SPAG16: variants seen among roughly 807,000 people sequenced by gnomAD.
SPAG16 encodes sperm-associated antigen 16 protein.
In SPAG16, 86 loss-of-function variants were observed where a neutral mutation model predicts 80.4. That is an observed-to-expected ratio of 1.07 (90% CI 0.90 to 1.28). SPAG16 has a LOEUF of 1.28. Among genes scored for constraint, SPAG16 ranks in the 50% most tolerant of loss-of-function variants. The pLI is 0.00. For synonymous variants in SPAG16, 294 were observed against 265.9 expected (o/e 1.11, Z -1.03); for missense variants, 870 against 765.3 (o/e 1.14, Z -1.61).
chr2:213,609,700 T>G (rs2061380975), intron 10 of SPAG16, among the ~76,000 whole-genome samples: 2 of 152,314 alleles, frequency 1.3e-5, no homozygotes, highest in African/African-American at 4.8e-5. Context: ...CACTCCAAAC[T>G]GCCACTTTAT....
chr2:213,954,006 A>G, intron 12 of SPAG16, among the ~76,000 whole-genome samples: 1 of 152,066 alleles, frequency 6.6e-6, no homozygotes. Context: ...ATACCACAAA[A>G]TTTACTCATT....
intron 12 of SPAG16, among the ~76,000 whole-genome samples, chr2:213,934,790 T>G (rs530711004): frequency 1.5e-4 from 23 of 152,338 alleles, no homozygotes; most frequent in African/African-American, 5.3e-4. Context: ...ACCACAATAA[T>G]CTTAGAAGCC....
chr2:214,006,278 C>T, intron 12 of SPAG16, among the ~76,000 whole-genome samples: 1 of 152,014 alleles, frequency 6.6e-6, no homozygotes, highest in Non-Finnish European at 1.5e-5. Context: ...ACAAACATAT[C>T]AAAGGAAATA....
intron 10 of SPAG16, among the ~76,000 whole-genome samples, chr2:213,776,332 G>A (rs1243971643): frequency 2.0e-5 from 3 of 152,152 alleles, no homozygotes; most frequent in African/African-American, 4.8e-5. Flanking sequence ...TTGACAATTG[G>A]GAGAGGGCTA....
chr2:214,211,098 C>T lies in SPAG16; in HGVS notation c.1720+61832C>T, dbSNP rs192825001. ...TTGTTTTATTTTTTACTCTTGAGCACGTAACATTTTCCCCACAGTTACAAT... is the reference window on the plus strand; with the variant it reads ...TTGTTTTATTTTTTACTCTTGAGCATGTAACATTTTCCCCACAGTTACAAT... On this transcript the variant is annotated intron_variant, in intron 15 of 15. Coordinates refer to ENST00000331683, the MANE Select transcript of SPAG16 (RefSeq NM_024532.5). Among the ~76,000 whole-genome samples the T allele has an allele frequency of 2.3e-4, 35 of 151,898 alleles. No homozygotes were observed. The East Asian group carries it at 2.5e-3, about 11-fold the overall frequency.
chr2:214,179,317 AGCATAC>A (rs2057234934), intron 15 of SPAG16, among the ~76,000 whole-genome samples: 1 of 151,224 alleles, frequency 6.6e-6, no homozygotes, highest in Non-Finnish European at 1.5e-5. Flanking sequence ...TAATATTGTA[AGCATAC>A]GAAATGGGCA....
chr2:213,290,976 G>A (rs889957471), intron 1 of SPAG16, among the ~76,000 whole-genome samples: 3 of 152,188 alleles, frequency 2.0e-5, no homozygotes, highest in Admixed American at 6.5e-5. Flanking sequence ...ACCCAAGAAT[G>A]TCATTTCTCT....
chr2:213,556,775 C>T (rs1436328980), intron 10 of SPAG16, among the ~76,000 whole-genome samples: 2 of 152,112 alleles, frequency 1.3e-5, no homozygotes, highest in South Asian at 2.1e-4. Context: ...CCATTCCATC[C>T]AACAGCAGAA....
intron 11 of SPAG16, among the ~76,000 whole-genome samples, chr2:213,928,100 C>A (rs1448214361): frequency 6.6e-6 from 1 of 152,048 alleles, no homozygotes; most frequent in Non-Finnish European, 1.5e-5. Context: ...CTTCTCTTTT[C>A]TCTTTTTGAG....
intron 10 of SPAG16, among the ~76,000 whole-genome samples, chr2:213,699,197 C>T (rs2065293542): frequency 6.6e-6 from 1 of 152,068 alleles, no homozygotes; most frequent in South Asian, 2.1e-4. Context: ...ATTTTTCCCC[C>T]ATTTTCCCCA....
chr2:213,410,942 C>T (rs2068933558), intron 9 of SPAG16, among the ~76,000 whole-genome samples: 1 of 152,220 alleles, frequency 6.6e-6, no homozygotes. Context: ...CGTCTCCCAA[C>T]AGTAAGTTAA....
At chr2:213,696,424 G>A (rs1333291213) in intron 10 of SPAG16, among the ~76,000 whole-genome samples, 1 of 152,102 alleles carries the variant, frequency 6.6e-6, no homozygotes, top group Non-Finnish European at 1.5e-5. Flanking sequence ...GTAAAGCCAT[G>A]GGACTAAGTG....
At position 213,567,165 on chromosome 2, in the gene SPAG16, CTTTTTTTTTTT is replaced by C. The variant is rs531916197; in HGVS notation, c.1070+77085_1070+77095del. Among the ~76,000 whole-genome samples the C allele has an allele frequency of 3.2e-5, 3 of 94,914 alleles. No individual in the cohort carries two copies. In the South Asian group the frequency reaches 1.1e-3, roughly 33 times the overall value. 62.3% of individuals were successfully genotyped at this position (94,914 alleles called of 152,430 possible). ...TGCTCATTTCTAATCAACACAGATT[CTTTTTTTTTTT>C]TTTTTTTTTGACTTATCCCTGAAAT... On this transcript the variant is annotated intron_variant, in intron 10 of 15. Coordinates refer to ENST00000331683, the MANE Select transcript of SPAG16 (RefSeq NM_024532.5).
intron 15 of SPAG16, among the ~76,000 whole-genome samples, chr2:214,189,716 C>T (rs997316569): frequency 4.6e-5 from 7 of 151,684 alleles, no homozygotes; most frequent in Admixed American, 1.3e-4. Flanking sequence ...TGAAAATACT[C>T]TAGGGAAGAG....
At chr2:213,453,566 G>C (rs1575626119) in intron 9 of SPAG16, among the ~76,000 whole-genome samples, 1 of 152,294 alleles carries the variant, frequency 6.6e-6, no homozygotes, top group East Asian at 1.9e-4. Context: ...ATTCTGAGGT[G>C]CATATAAAAA....
intron 15 of SPAG16, among the ~76,000 whole-genome samples, chr2:214,261,566 A>AAATT (rs1482278649): frequency 1.3e-5 from 2 of 152,192 alleles, no homozygotes; most frequent in Non-Finnish European, 2.9e-5. Context: ...GAGGTAGTGA[A>AAATT]AATTAGTTAA....
At chr2:214,187,445 T>G (rs77082200) in intron 15 of SPAG16, among the ~76,000 whole-genome samples, 1 of 152,290 alleles carries the variant, frequency 6.6e-6, no homozygotes, top group East Asian at 1.9e-4. Flanking sequence ...TTATTAAATC[T>G]AAGTACTCAT....
intron 10 of SPAG16, among the ~76,000 whole-genome samples, chr2:213,505,119 T>C (rs2074915252): frequency 6.6e-6 from 1 of 152,216 alleles, no homozygotes; most frequent in Non-Finnish European, 1.5e-5. Flanking sequence ...AGCAACTGTT[T>C]TGTATAAATA....
intron 13 of SPAG16, among the ~76,000 whole-genome samples, chr2:214,076,549 G>GTC (rs1201749364): frequency 4.9e-5 from 7 of 143,096 alleles, no homozygotes; most frequent in African/African-American, 1.8e-4. Flanking sequence ...GTGTCTGTGT[G>GTC]TGTGTGTGTG....
Sources: allele counts gnomAD v4.1 joint callset (sites outside exome capture counted in the v4.1 genomes callset), GRCh38; gene constraint gnomAD v4.1.1; transcripts MANE v1.5; gene names NCBI Gene and HGNC (gene_info 2026-07-23, HGNC 2026-07-21).